PHF14: variants seen among roughly 807,000 people sequenced by gnomAD.
PHF14 encodes the protein PHD finger protein 14.
In PHF14, 55 loss-of-function variants were observed where a neutral mutation model predicts 117.9. The observed-to-expected ratio is 0.47, with a 90% CI of 0.38 to 0.58. The LOEUF (loss-of-function observed/expected upper bound fraction) is 0.58. Ranked by LOEUF, PHF14 falls within the 20% of genes least tolerant of loss-of-function variation. The probability of loss-of-function intolerance (pLI) is 0.00; values close to 1 mark genes in which losing one functional copy is unlikely to be tolerated. For missense variants in PHF14, 978 were observed against 1,122.2 expected, an observed-to-expected ratio of 0.87 and a Z score of 1.84; for synonymous variants, 409 against 368.6, an observed-to-expected ratio of 1.11 and a Z score of -1.26.
chr7:11,047,438 T>C (rs1381823121), intron 13 of PHF14, among the ~76,000 whole-genome samples: 2 of 151,892 alleles, frequency 1.3e-5, no homozygotes, highest in African/African-American at 2.4e-5. Context: ...TGAAATTCCA[T>C]TGGGTCATCA....
chr7:11,010,180 G>A (rs1449996983), intron 4 of PHF14, among the ~76,000 whole-genome samples: 4 of 151,982 alleles, frequency 2.6e-5, no homozygotes, highest in Non-Finnish European at 4.4e-5. Context: ...GTATTGCATA[G>A]CACATGGAGA....
At chr7:11,148,663 A>G (rs933238975) in intron 17 of PHF14, among the ~76,000 whole-genome samples, 26 of 152,326 alleles carry the variant, frequency 1.7e-4, no homozygotes, top group South Asian at 1.0e-3. Flanking sequence ...GTTCACCACT[A>G]TTACCCCATC....
intron 13 of PHF14, among the ~76,000 whole-genome samples, chr7:11,046,691 TA>T (rs1190649569): frequency 1.3e-5 from 2 of 152,138 alleles, no homozygotes; most frequent in Non-Finnish European, 2.9e-5. Context: ...CAAGTTGAGT[TA>T]AATGTTGTTT....
intron 16 of PHF14, chr7:11,102,350 G>C: frequency 1.2e-6 from 1 of 832,590 alleles, no homozygotes; most frequent in Non-Finnish European, 1.9e-6. Flanking sequence ...TTTAGGTTTA[G>C]AGTATCTATC....
intron 2 of PHF14, among the ~76,000 whole-genome samples, chr7:10,981,409 T>G (rs1554298597): frequency 6.6e-6 from 1 of 152,204 alleles, no homozygotes; most frequent in Non-Finnish European, 1.5e-5. Context: ...TGTTATTTAC[T>G]TAATTGGGTA....
intron 17 of PHF14, among the ~76,000 whole-genome samples, chr7:11,119,559 G>C (rs565783039): frequency 6.6e-6 from 1 of 151,670 alleles, no homozygotes; most frequent in East Asian, 1.9e-4. Flanking sequence ...TGAAAATATC[G>C]CCTAAATAAT....
At chr7:11,011,850 G>C (rs955098644) in intron 4 of PHF14, among the ~76,000 whole-genome samples, 4 of 152,266 alleles carry the variant, frequency 2.6e-5, no homozygotes, top group African/African-American at 9.6e-5. Flanking sequence ...ATCATCAGTA[G>C]AGAAGTGTAC....
chr7:11,099,804 A>G (rs538440489), intron 16 of PHF14, among the ~76,000 whole-genome samples: 3 of 152,228 alleles, frequency 2.0e-5, no homozygotes, highest in African/African-American at 7.2e-5. Flanking sequence ...CAAAACAAAT[A>G]TACAGTTTCA....
intron 16 of PHF14, among the ~76,000 whole-genome samples, chr7:11,090,500 TTA>T (rs1278426889): frequency 6.6e-6 from 1 of 152,230 alleles, no homozygotes; most frequent in Admixed American, 6.5e-5. Flanking sequence ...AATTGCCTGA[TTA>T]TATCAAGGAC....
intron 16 of PHF14, among the ~76,000 whole-genome samples, chr7:11,088,082 G>A (rs536007008): frequency 2.6e-5 from 4 of 152,082 alleles, no homozygotes; most frequent in Middle Eastern, 3.4e-3. Context: ...TTCCAGGACC[G>A]CTCTCGGATA....
chr7:11,050,909 C>T (rs1479881019), intron 13 of PHF14, among the ~76,000 whole-genome samples: 2 of 152,022 alleles, frequency 1.3e-5, no homozygotes, highest in Admixed American at 6.6e-5. Context: ...ATATTCAGCA[C>T]AAGTTGTCAC....
intron 7 of PHF14, among the ~76,000 whole-genome samples, chr7:11,035,431 CGTT>C (rs901367153): frequency 6.3e-4 from 95 of 151,928 alleles, no homozygotes; most frequent in African/African-American, 2.2e-3. Context: ...TAAAGAAAAA[CGTT>C]GTTGGTAATT....
intron 4 of PHF14, among the ~76,000 whole-genome samples, chr7:10,996,888 G>C (rs1782671303): frequency 6.6e-6 from 1 of 152,210 alleles, no homozygotes; most frequent in African/African-American, 2.4e-5. Flanking sequence ...AGTATGCCTG[G>C]TCATGGCGTT....
At chr7:11,154,263 C>A (rs1220577046) in intron 17 of PHF14, among the ~76,000 whole-genome samples, 1 of 151,666 alleles carries the variant, frequency 6.6e-6, no homozygotes, top group Non-Finnish European at 1.5e-5. Flanking sequence ...AAATCACATC[C>A]ACTTGAGTAT....
chr7:11,158,597 T>G (rs182170520), intron 17 of PHF14, among the ~76,000 whole-genome samples: 355 of 152,254 alleles, frequency 2.3e-3, no homozygotes, highest in African/African-American at 8.1e-3. Context: ...GTTGTTTTAT[T>G]TTTAAGTCAC....
chr7:11,004,390 CAA>C (rs1783006078), intron 4 of PHF14, among the ~76,000 whole-genome samples: 1 of 139,286 alleles, frequency 7.2e-6, no homozygotes, highest in African/African-American at 2.7e-5. Context: ...TACATATACA[CAA>C]ATATATATTT....
intron 17 of PHF14, among the ~76,000 whole-genome samples, chr7:11,148,072 T>C (rs910976344): frequency 6.6e-6 from 1 of 152,204 alleles, no homozygotes. Flanking sequence ...CATATCATAC[T>C]TCTTTCCGTT....
At chr7:11,032,190 G>T (rs1427507294) in intron 7 of PHF14, among the ~76,000 whole-genome samples, 1 of 152,166 alleles carries the variant, frequency 6.6e-6, no homozygotes, top group Non-Finnish European at 1.5e-5. Flanking sequence ...GCTGAGCCCA[G>T]AAGTTCAAGA....
chr7:11,105,219 T>C, intron 16 of PHF14: 1 of 959,892 alleles, frequency 1.0e-6, no homozygotes, highest in Non-Finnish European at 1.2e-6. Context: ...TTAGAAATTA[T>C]ATTTATGCAT....
Sources: allele counts gnomAD v4.1 joint callset (sites outside exome capture counted in the v4.1 genomes callset), GRCh38; gene constraint gnomAD v4.1.1; transcripts MANE v1.5; gene names NCBI Gene and HGNC (gene_info 2026-07-23, HGNC 2026-07-21).